SDK1: variants seen among roughly 807,000 people sequenced by gnomAD.
The protein encoded by SDK1 is protein sidekick-1.
A neutral mutation model predicts 245.5 loss-of-function variants in SDK1; 157 were observed. The observed-to-expected ratio is 0.64, with a 90% CI of 0.56 to 0.73. SDK1 has a LOEUF of 0.73. Ranked by LOEUF, SDK1 falls within the 30% of genes least tolerant of loss-of-function variation. The pLI is 0.00. For missense variants in SDK1, 3,583 were observed against 3,002.3 expected, an observed-to-expected ratio of 1.19 and a Z score of -4.52; for synonymous variants, 1,647 against 1,278.5, an observed-to-expected ratio of 1.29 and a Z score of -6.15.
intron 4 of SDK1, among the ~76,000 whole-genome samples, chr7:3,674,756 G>C (rs1006480058): frequency 2.0e-5 from 3 of 152,186 alleles, no homozygotes; most frequent in Non-Finnish European, 2.9e-5. Flanking sequence ...TCCCACCACA[G>C]TGTATTCCAG....
At chr7:3,400,900 G>A (rs868851691) in intron 1 of SDK1, among the ~76,000 whole-genome samples, 26 of 152,272 alleles carry the variant, frequency 1.7e-4, no homozygotes, top group Middle Eastern at 6.8e-3. Context: ...TGCTTATGGA[G>A]CTTATCTCTA....
Position 4,220,288 on chromosome 7 carries a change from G to T in SDK1, c.5701+18G>T. On this transcript the variant is annotated intron_variant, in intron 39 of 44. Transcript: ENST00000404826. ...AGCCGAGGGTAAGTGGAACTCCAGGGGCAGACAATGTCAATTGCAACTTTA... is the reference window on the plus strand; with the variant it reads ...AGCCGAGGGTAAGTGGAACTCCAGGTGCAGACAATGTCAATTGCAACTTTA... The T allele has an allele frequency of 6.2e-7, 1 of 1,606,218 alleles. No individual in the cohort carries two copies. Among genetic ancestry groups the T allele is most frequent in the Non-Finnish European group, 8.5e-7 (1 of 1,174,144 alleles).
chr7:3,641,819 C>A (rs530876282), intron 3 of SDK1, 139 bp from the exon 4 acceptor site: 9 of 703,824 alleles, frequency 1.3e-5, no homozygotes, highest in Non-Finnish European at 2.1e-5. Flanking sequence ...TCAGCGCTGC[C>A]GTGCAGTCTC....
chr7:3,309,524 A>ATTTTTTTTTTTTTTTTTTTT (rs59762021), intron 1 of SDK1, among the ~76,000 whole-genome samples: 1 of 127,318 alleles, frequency 7.9e-6, no homozygotes. Context: ...CTAGAAAAAG[A>ATTTTTTTTTTTTTTTTTTTT]TTTTTTTTTT....
intron 2 of SDK1, among the ~76,000 whole-genome samples, chr7:3,627,965 A>G (rs1197095484): frequency 2.0e-5 from 3 of 152,030 alleles, no homozygotes; most frequent in African/African-American, 7.2e-5. Context: ...GTGTCTCTTT[A>G]TATCCATTCT....
intron 17 of SDK1, among the ~76,000 whole-genome samples, chr7:4,031,449 G>C (rs572035611): frequency 9.9e-5 from 15 of 152,246 alleles, no homozygotes; most frequent in Middle Eastern, 3.4e-3. Flanking sequence ...CAGAGAAAGA[G>C]AGGACTAAGG....
chr7:4,208,843 G>C (rs1414717347), intron 37 of SDK1, among the ~76,000 whole-genome samples: 1 of 152,354 alleles, frequency 6.6e-6, no homozygotes, highest in South Asian at 2.1e-4. Context: ...CGCACAGGGC[G>C]CAGCGCCTGT....
At chr7:3,839,869 T>C (rs1460348211) in intron 5 of SDK1, among the ~76,000 whole-genome samples, 1 of 152,256 alleles carries the variant, frequency 6.6e-6, no homozygotes, top group Non-Finnish European at 1.5e-5. Flanking sequence ...GTAATATCTG[T>C]CTTTTTGCTA....
intron 1 of SDK1, among the ~76,000 whole-genome samples, chr7:3,374,879 G>A (rs1781314827): frequency 6.6e-6 from 1 of 152,146 alleles, no homozygotes; most frequent in Non-Finnish European, 1.5e-5. Context: ...GCACTTAGGT[G>A]TAATCATGTA....
At chr7:3,759,609 A>T (rs1780035461) in intron 4 of SDK1, among the ~76,000 whole-genome samples, 1 of 149,136 alleles carries the variant, frequency 6.7e-6, no homozygotes, top group Admixed American at 6.7e-5. Flanking sequence ...TATTATTATT[A>T]TTATTTGGAG....
At chr7:4,232,258 C>A (rs1419439461) in intron 40 of SDK1, among the ~76,000 whole-genome samples, 1 of 151,766 alleles carries the variant, frequency 6.6e-6, no homozygotes, top group Non-Finnish European at 1.5e-5. Context: ...TAAAGCCACA[C>A]AGCTAATTGA....
chr7:4,025,997 T>G (rs1189494956), intron 17 of SDK1, among the ~76,000 whole-genome samples: 1 of 152,152 alleles, frequency 6.6e-6, no homozygotes, highest in African/African-American at 2.4e-5. Context: ...AAATGCTGAA[T>G]CCGGGACTGC....
At chr7:4,255,819 C>T (rs528943864) in intron 44 of SDK1, among the ~76,000 whole-genome samples, 2 of 152,168 alleles carry the variant, frequency 1.3e-5, no homozygotes, top group South Asian at 4.1e-4. Flanking sequence ...GGCTCAAGCA[C>T]CACAGACTCT....
intron 10 of SDK1, 23 bp from the exon 11 acceptor site, chr7:3,969,234 C>T: frequency 6.4e-7 from 1 of 1,557,478 alleles, no homozygotes; most frequent in South Asian, 1.2e-5. Context: ...TGTAACATGC[C>T]TCTTTTCTCC....
intron 1 of SDK1, among the ~76,000 whole-genome samples, chr7:3,612,237 GA>G (rs1402281026): frequency 6.6e-6 from 1 of 152,028 alleles, no homozygotes; most frequent in Non-Finnish European, 1.5e-5. Context: ...AACACCTATG[GA>G]AATAAAAAAA....
chr7:3,482,522 C>T (rs775789983), intron 1 of SDK1, among the ~76,000 whole-genome samples: 11 of 152,228 alleles, frequency 7.2e-5, no homozygotes, highest in Non-Finnish European at 1.0e-4. Flanking sequence ...GAAATCTCTG[C>T]GCAGAAGAGA....
At chr7:4,126,085 G>A (rs773914439) in intron 25 of SDK1, among the ~76,000 whole-genome samples, 1 of 152,208 alleles carries the variant, frequency 6.6e-6, no homozygotes, top group East Asian at 1.9e-4. Flanking sequence ...TGGTGGACTT[G>A]AAGTGTCTCT....
chr7:3,739,549 G>C (rs1183734249), intron 4 of SDK1, among the ~76,000 whole-genome samples: 1 of 152,002 alleles, frequency 6.6e-6, no homozygotes, highest in Non-Finnish European at 1.5e-5. Context: ...TTTTTCTGCA[G>C]ATTAAAATAT....
intron 28 of SDK1, among the ~76,000 whole-genome samples, chr7:4,134,595 G>A (rs1261194548): frequency 2.0e-5 from 3 of 152,198 alleles, no homozygotes; most frequent in African/African-American, 7.2e-5. Context: ...CAGAGTCACA[G>A]GAGTCCACAA....
Sources: gnomAD v4.1 joint callset for allele counts (sites outside exome capture counted in the v4.1 genomes callset) on GRCh38, gnomAD v4.1.1 for gene constraint, MANE v1.5 for transcripts, NCBI Gene and HGNC (gene_info 2026-07-23, HGNC 2026-07-21) for gene names.